Variants in PCDH9 observed in about 807,000 individuals in gnomAD.
PCDH9 encodes protocadherin 9.
PCDH9 carries 24 observed loss-of-function variants against 70.6 expected under a neutral mutation model. The ratio of observed to expected loss-of-function variants is 0.34; its 90% CI spans 0.25 to 0.48. The LOEUF (loss-of-function observed/expected upper bound fraction) is 0.48. Ranked by LOEUF, PCDH9 falls within the 20% of genes least tolerant of loss-of-function variation. The pLI is 0.99. For missense variants in PCDH9, 1,281 were observed against 1,503.6 expected (o/e 0.85, Z 2.45); for synonymous variants, 562 against 558.5 (o/e 1.01, Z -0.09).
chr13:66,573,902 C>T (rs2076773969), intron 4 of PCDH9, among the ~76,000 whole-genome samples: 1 of 152,102 alleles, frequency 6.6e-6, no homozygotes, highest in Non-Finnish European at 1.5e-5. Flanking sequence ...TTTTCCTCTA[C>T]TTTCTTCCTT....
chr13:66,972,791 C>T (rs1471853891), intron 2 of PCDH9, among the ~76,000 whole-genome samples: 1 of 152,010 alleles, frequency 6.6e-6, no homozygotes, highest in Non-Finnish European at 1.5e-5. Flanking sequence ...GTTTTGGAAA[C>T]TTCAGTCACT....
intron 3 of PCDH9, among the ~76,000 whole-genome samples, chr13:66,644,473 C>A (rs1254944146): frequency 6.6e-6 from 1 of 151,872 alleles, no homozygotes; most frequent in Non-Finnish European, 1.5e-5. Flanking sequence ...AGGAAGTAGA[C>A]AAACTTTTGT....
At chr13:67,114,751 G>A (rs182702663) in intron 2 of PCDH9, among the ~76,000 whole-genome samples, 1 of 152,200 alleles carries the variant, frequency 6.6e-6, no homozygotes, top group East Asian at 1.9e-4. Context: ...AAAGATGAGG[G>A]GAGATAAATG....
chr13:66,717,480 A>AAAAATATATAT (rs1566145314), intron 3 of PCDH9, among the ~76,000 whole-genome samples: 4 of 44,434 alleles, frequency 9.0e-5, no homozygotes, highest in Non-Finnish European at 1.1e-4. Flanking sequence ...AAAAAAAAAA[A>AAAAATATATAT]ATATATATAT....
chr13:67,006,877 A>C (rs1594382937), intron 2 of PCDH9, among the ~76,000 whole-genome samples: 1 of 152,316 alleles, frequency 6.6e-6, no homozygotes, highest in African/African-American at 2.4e-5. Context: ...TATACATTTA[A>C]AGGAAAATAC....
chr13:66,783,445 A>G (rs1425095644), intron 3 of PCDH9, among the ~76,000 whole-genome samples: 2 of 152,182 alleles, frequency 1.3e-5, no homozygotes, highest in Non-Finnish European at 2.9e-5. Context: ...AAGTATAAGC[A>G]GAATAGTTCC....
chr13:66,311,388 GTT>G (rs1955559731), intron 4 of PCDH9, among the ~76,000 whole-genome samples: 1 of 133,898 alleles, frequency 7.5e-6, no homozygotes, highest in Admixed American at 7.5e-5. Context: ...GTGTGTGTGT[GTT>G]ATTTATTTAT....
At chr13:66,871,543 G>C (rs1478915387) in intron 3 of PCDH9, among the ~76,000 whole-genome samples, 6 of 151,940 alleles carry the variant, frequency 3.9e-5, no homozygotes, top group African/African-American at 1.4e-4. Flanking sequence ...GTCTACCGTA[G>C]TTAGTCCCTC....
intron 4 of PCDH9, among the ~76,000 whole-genome samples, chr13:66,393,250 A>T (rs1243843206): frequency 6.6e-6 from 1 of 152,226 alleles, no homozygotes; most frequent in African/African-American, 2.4e-5. Flanking sequence ...GTGGTATTTC[A>T]TGTCTACAAG....
At chr13:66,857,539 T>C (rs997526199) in intron 3 of PCDH9, among the ~76,000 whole-genome samples, 11 of 152,154 alleles carry the variant, frequency 7.2e-5, no homozygotes, top group African/African-American at 2.7e-4. Flanking sequence ...AAAGCAACAA[T>C]GTCTAGAGGT....
intron 2 of PCDH9, among the ~76,000 whole-genome samples, chr13:67,094,648 A>G (rs2086284227): frequency 6.7e-6 from 1 of 150,314 alleles, no homozygotes; most frequent in South Asian, 2.1e-4. Flanking sequence ...GACTTCTGAC[A>G]TTCCCAGATT....
chr13:67,027,467 A>G (rs1195156623), intron 2 of PCDH9, among the ~76,000 whole-genome samples: 1 of 152,228 alleles, frequency 6.6e-6, no homozygotes, highest in African/African-American at 2.4e-5. Context: ...TAGAAACCCT[A>G]GAAGAAAACC....
chr13:66,969,894 T>A (rs1192065644), intron 2 of PCDH9, among the ~76,000 whole-genome samples: 1 of 152,052 alleles, frequency 6.6e-6, no homozygotes, highest in Non-Finnish European at 1.5e-5. Flanking sequence ...AAAGCAAAAG[T>A]GCTTTCTGGA....
At chr13:67,136,254 C>T (rs778828384) in intron 2 of PCDH9, among the ~76,000 whole-genome samples, 3 of 152,124 alleles carry the variant, frequency 2.0e-5, no homozygotes, top group Non-Finnish European at 4.4e-5. Flanking sequence ...GGCTGTACCA[C>T]GTAGCCTAGG....
intron 4 of PCDH9, among the ~76,000 whole-genome samples, chr13:66,350,367 T>A (rs963886820): frequency 6.6e-6 from 1 of 152,190 alleles, no homozygotes; most frequent in African/African-American, 2.4e-5. Flanking sequence ...GATACTGTAG[T>A]TTCTTCATTT....
intron 4 of PCDH9, among the ~76,000 whole-genome samples, chr13:66,532,009 C>A (rs766966146): frequency 7.9e-5 from 12 of 152,016 alleles, no homozygotes; most frequent in East Asian, 1.9e-4. Context: ...GTTTGAGAGA[C>A]AGGGTTTTGT....
chr13:66,719,731 T>A (rs1197449394), intron 3 of PCDH9, among the ~76,000 whole-genome samples: 1 of 152,192 alleles, frequency 6.6e-6, no homozygotes, highest in Admixed American at 6.5e-5. Flanking sequence ...TTTGTTTAAA[T>A]AAAATATTTG....
intron 2 of PCDH9, among the ~76,000 whole-genome samples, chr13:67,018,553 A>G (rs2084608540): frequency 6.6e-6 from 1 of 151,582 alleles, no homozygotes; most frequent in South Asian, 2.1e-4. Context: ...CAGGAGGCAG[A>G]AGTTGCAGTG....
At chr13:66,878,406 T>C (rs866825270) in intron 3 of PCDH9, among the ~76,000 whole-genome samples, 3 of 151,994 alleles carry the variant, frequency 2.0e-5, no homozygotes, top group Non-Finnish European at 4.4e-5. Flanking sequence ...ATCGTATTTT[T>C]AGTAGAGACA....
Sources: gnomAD v4.1 joint callset for allele counts (sites outside exome capture counted in the v4.1 genomes callset) on GRCh38, gnomAD v4.1.1 for gene constraint, MANE v1.5 for transcripts, NCBI Gene and HGNC (gene_info 2026-07-23, HGNC 2026-07-21) for gene names.